INCA1: variants seen among roughly 807,000 people sequenced by gnomAD.
INCA1 encodes protein INCA1.
Under a neutral mutation model 25.7 loss-of-function variants are expected in INCA1, and 28 were observed. That is an observed-to-expected ratio of 1.09 (90% CI 0.81 to 1.49). The LOEUF (loss-of-function observed/expected upper bound fraction) is 1.49. Ranked by LOEUF, INCA1 falls within the 40% of genes most tolerant of loss-of-function variation. The pLI, the probability that INCA1 is intolerant of heterozygous loss-of-function variation, is 0.00. For synonymous variants in INCA1, 111 were observed against 103.6 expected (o/e 1.07, Z -0.43); for missense variants, 309 against 290.9 (o/e 1.06, Z -0.45).
chr17:4,991,065 C>CCCACTA (rs1179805881), intron 2 of INCA1, among the ~76,000 whole-genome samples: 1 of 151,550 alleles, frequency 6.6e-6, no homozygotes, highest in Non-Finnish European at 1.5e-5. Flanking sequence ...ATTACAGGCA[C>CCCACTA]CCACTACCAC....
intron 2 of INCA1, among the ~76,000 whole-genome samples, chr17:4,992,287 TTTC>T (rs893476008): frequency 2.5e-4 from 38 of 152,282 alleles, no homozygotes; most frequent in African/African-American, 8.2e-4. Flanking sequence ...AACCGTTTTT[TTTC>T]TTCTTCTTTT....
intron 1 of INCA1, among the ~76,000 whole-genome samples, chr17:4,995,514 G>A (rs1974179684): frequency 6.6e-6 from 1 of 152,184 alleles, no homozygotes; most frequent in East Asian, 1.9e-4. Flanking sequence ...AATTGTGTGG[G>A]CCGGGTGCAG....
intron 2 of INCA1, among the ~76,000 whole-genome samples, chr17:4,993,767 C>CTTTT (rs934109564): frequency 6.2e-5 from 6 of 97,316 alleles, no homozygotes; most frequent in Admixed American, 1.2e-4. Flanking sequence ...CGTGCCTGGC[C>CTTTT]TTTTTTTTTT....
Position 4,990,194 on chromosome 17 carries a change from C to G in INCA1, c.116G>C (p.Arg39Pro), listed in dbSNP as rs200914054. The G allele has an allele frequency of 9.9e-6, 16 of 1,614,036 alleles. No individual in the cohort carries two copies. The Admixed American group carries it at 1.8e-4, about 18-fold the overall frequency. Residue 39 changes from arginine (R) to proline (P), a missense_variant, in exon 3 of 7, where the codon CGT becomes CCT. Coordinates refer to ENST00000576820, the Ensembl canonical transcript of INCA1. ...GTTCTTCCAGAAGACATCTCCATAA[C>G]GCTGGGGCATGGGTCTGAGGCTCTG...
At chr17:4,992,573 C>G (rs1430759835) in intron 2 of INCA1, among the ~76,000 whole-genome samples, 1 of 151,848 alleles carries the variant, frequency 6.6e-6, no homozygotes, top group African/African-American at 2.4e-5. Context: ...TGTGAGCCAC[C>G]GCACCCGGCC....
intron 1 of INCA1, among the ~76,000 whole-genome samples, 186 bp from the exon 2 acceptor site, chr17:4,994,661 G>T (rs183117008): frequency 9.7e-4 from 147 of 151,868 alleles, no homozygotes; most frequent in Non-Finnish European, 1.9e-3. Context: ...GTGGTGGCGC[G>T]CGCCTATAGT....
At chr17:4,996,247 T>C (rs1421874914) in intron 1 of INCA1, among the ~76,000 whole-genome samples, 1 of 150,752 alleles carries the variant, frequency 6.6e-6, no homozygotes, top group East Asian at 2.0e-4. Context: ...TTTAGCCAGG[T>C]GTGGTGGTGT....
chr17:4,993,995 C>T (rs1238737069), intron 2 of INCA1, among the ~76,000 whole-genome samples: 1 of 149,998 alleles, frequency 6.7e-6, no homozygotes, highest in Non-Finnish European at 1.5e-5. Flanking sequence ...TGGTCTCGAA[C>T]TCCTGATCTC....
intron 2 of INCA1, among the ~76,000 whole-genome samples, chr17:4,993,679 A>G (rs1250011579): frequency 6.6e-6 from 1 of 151,240 alleles, no homozygotes; most frequent in African/African-American, 2.4e-5. Flanking sequence ...TTTGTTAGCC[A>G]GGATGGTCTT....
Position 4,989,635 on chromosome 17 carries a change from G to T in INCA1, c.199-11C>A. 1 of 1,611,632 alleles carries T rather than the reference G, an allele frequency of 6.2e-7. No homozygotes were observed. The highest frequency in any genetic ancestry group is 1.1e-5 in the South Asian group (1 of 90,918). On this transcript the variant is annotated splice_polypyrimidine_tract_variant and intron_variant, in intron 4 of 6. Transcript: ENST00000576820. ...GCAACCAGTGGCTCTCTGTGCCAGA[G>T]AATGGGGAAAAAGAGCTAGAAAGAA...
chr17:4,990,300 C>T (rs1466540603), intron 2 of INCA1, 35 bp from the exon 3 acceptor site: 7 of 1,591,274 alleles, frequency 4.4e-6, no homozygotes, highest in Non-Finnish European at 6.0e-6. Context: ...GGGTCTGGCT[C>T]TTCCCTTACA....
intron 2 of INCA1, among the ~76,000 whole-genome samples, chr17:4,993,767 C>CA (rs1974039366): frequency 2.1e-5 from 2 of 97,322 alleles, no homozygotes; most frequent in Non-Finnish European, 3.9e-5. Flanking sequence ...CGTGCCTGGC[C>CA]TTTTTTTTTT....
At position 4,988,534 on chromosome 17, in the gene INCA1, G is replaced by T. The variant is rs1001194001; in HGVS notation, c.582C>A (p.Ser194Arg). 15 of 1,611,838 alleles carry T rather than the reference G, an allele frequency of 9.3e-6. No individual in the cohort carries two copies. The highest frequency in any genetic ancestry group is 1.7e-5 in the Admixed American group (1 of 59,226). ...CACAAGCCTCCTCCTGATCCAGGGGGCTCCAGGGAGACCAAAGCAGCTGTC... is the reference window on the plus strand; with the variant it reads ...CACAAGCCTCCTCCTGATCCAGGGGTCTCCAGGGAGACCAAAGCAGCTGTC... The change falls in exon 7 of 7, where the codon AGC becomes AGA. Residue 194 changes from serine to arginine, a missense_variant. Coordinates refer to ENST00000576820, the Ensembl canonical transcript of INCA1.
intron 2 of INCA1, among the ~76,000 whole-genome samples, chr17:4,993,005 G>C (rs1201633096): frequency 6.6e-6 from 1 of 151,912 alleles, no homozygotes; most frequent in African/African-American, 2.4e-5. Flanking sequence ...TCAGCCTCCT[G>C]AGTAGCAGGG....
intron 2 of INCA1, among the ~76,000 whole-genome samples, chr17:4,993,202 G>A (rs1437989173): frequency 4.0e-5 from 6 of 151,248 alleles, no homozygotes; most frequent in East Asian, 2.0e-4. Context: ...TTTTTGAGAC[G>A]GAGTTTCACT....
At chr17:4,989,310 C>T in intron 5 of INCA1, 118 bp downstream of exon 5, 1 of 939,852 alleles carries the variant, frequency 1.1e-6, no homozygotes. Flanking sequence ...TCCAAGCAAC[C>T]TCCCCTCAAA....
At chr17:4,991,951 G>A (rs1200168982) in intron 2 of INCA1, among the ~76,000 whole-genome samples, 1 of 152,022 alleles carries the variant, frequency 6.6e-6, no homozygotes, top group Non-Finnish European at 1.5e-5. Context: ...CTGTTGCAAT[G>A]GTCTCTTCCC....
chr17:4,994,246 T>C (rs1215775814), intron 2 of INCA1, 148 bp downstream of exon 2: 12 of 771,236 alleles, frequency 1.6e-5, no homozygotes, highest in Non-Finnish European at 2.6e-5. Flanking sequence ...TCAAACTATT[T>C]GTTGAATAAA....
chr17:4,989,896 G>A (rs200230581), exon 4 of INCA1: 1 of 1,614,194 alleles, frequency 6.2e-7, no homozygotes, highest in Non-Finnish European at 8.5e-7. Context: ...TTACCAGCAT[G>A]GGTGGAATGT....
Sources: gnomAD v4.1 joint callset for allele counts (sites outside exome capture counted in the v4.1 genomes callset) on GRCh38, gnomAD v4.1.1 for gene constraint, MANE v1.5 for transcripts, NCBI Gene and HGNC (gene_info 2026-07-23, HGNC 2026-07-21) for gene names.